The following SGCZ variants were observed in gnomAD, a reference collection of about 807,000 sequenced individuals.
SGCZ encodes the protein zeta-sarcoglycan.
A neutral mutation model predicts 41.3 loss-of-function variants in SGCZ; 40 were observed. The observed-to-expected ratio is 0.97, with a 90% CI of 0.75 to 1.26. The LOEUF is 1.26. Ranked by LOEUF, SGCZ falls within the 50% of genes most tolerant of loss-of-function variation. SGCZ has a pLI of 0.00. For missense variants in SGCZ, 552 were observed against 369.8 expected (o/e 1.49, Z -4.04); for synonymous variants, 206 against 137.5 (o/e 1.50, Z -3.49).
intron 2 of SGCZ, among the ~76,000 whole-genome samples, chr8:14,480,961 C>T (rs1801519235): frequency 1.3e-5 from 2 of 151,916 alleles, no homozygotes; most frequent in Non-Finnish European, 2.9e-5. Context: ...ATGAAGTTAT[C>T]TTGAACATTT....
At chr8:14,753,699 T>C (rs891608432) in intron 1 of SGCZ, among the ~76,000 whole-genome samples, 3 of 152,200 alleles carry the variant, frequency 2.0e-5, no homozygotes, top group Non-Finnish European at 2.9e-5. Context: ...TTTTAGTGAC[T>C]TTCTTCTCAT....
intron 1 of SGCZ, among the ~76,000 whole-genome samples, chr8:14,752,761 A>C (rs1799537721): frequency 6.6e-6 from 1 of 152,226 alleles, no homozygotes; most frequent in Non-Finnish European, 1.5e-5. Context: ...CTATTATCAC[A>C]AACATGATAG....
Position 14,660,236 on chromosome 8 carries a change from T to G in SGCZ, c.40-105310A>C, listed in dbSNP as rs375353855. 2.0e-5 allele frequency among the ~76,000 whole-genome samples: 3 copies of G among 152,176 alleles called. No homozygotes were observed. The East Asian group carries it at 5.8e-4, about 29-fold the overall frequency. ...GCCATTTTAGACACTGTTCGGTGTA[T>G]GAAGAAAATAAAAGGGTTGAAGGGT... On this transcript the variant is annotated intron_variant, in intron 1 of 7. Coordinates refer to ENST00000382080, the MANE Select transcript of SGCZ (RefSeq NM_139167.4).
intron 7 of SGCZ, among the ~76,000 whole-genome samples, chr8:14,098,048 T>C (rs1288473069): frequency 6.6e-6 from 1 of 152,194 alleles, no homozygotes; most frequent in East Asian, 1.9e-4. Flanking sequence ...AAAGATAGAA[T>C]CATATTGAAT....
intron 2 of SGCZ, among the ~76,000 whole-genome samples, chr8:14,514,324 T>G (rs550567525): frequency 2.0e-5 from 3 of 152,220 alleles, no homozygotes; most frequent in African/African-American, 4.8e-5. Flanking sequence ...AGGCTTATTT[T>G]TGAAGCCAGT....
intron 2 of SGCZ, among the ~76,000 whole-genome samples, chr8:14,526,323 C>T (rs1010341245): frequency 3.9e-5 from 6 of 152,084 alleles, no homozygotes; most frequent in Non-Finnish European, 7.4e-5. Context: ...GGCAAAATTT[C>T]ACTATCGATG....
chr8:15,224,867 A>G (rs1801717676), intron 1 of SGCZ, among the ~76,000 whole-genome samples: 1 of 152,216 alleles, frequency 6.6e-6, no homozygotes, highest in East Asian at 1.9e-4. Flanking sequence ...GGATGAAGAA[A>G]GTCATCACCT....
At chr8:15,135,659 A>G (rs963071012) in intron 1 of SGCZ, among the ~76,000 whole-genome samples, 1 of 152,194 alleles carries the variant, frequency 6.6e-6, no homozygotes, top group Non-Finnish European at 1.5e-5. Flanking sequence ...GATTAAGGTA[A>G]GTAAGCAAGT....
At chr8:15,229,283 T>A (rs2117203249) in intron 1 of SGCZ, among the ~76,000 whole-genome samples, 1 of 152,244 alleles carries the variant, frequency 6.6e-6, no homozygotes, top group South Asian at 2.1e-4. Flanking sequence ...TAATTAAGAG[T>A]ATCTAAAAAG....
intron 2 of SGCZ, among the ~76,000 whole-genome samples, chr8:14,390,002 A>G (rs1445213689): frequency 6.6e-6 from 1 of 151,938 alleles, no homozygotes; most frequent in Non-Finnish European, 1.5e-5. Context: ...GTTTACAGTT[A>G]TTTTCTTCCT....
At chr8:14,161,037 C>G (rs377751218) in intron 5 of SGCZ, among the ~76,000 whole-genome samples, 13 of 152,304 alleles carry the variant, frequency 8.5e-5, no homozygotes, top group African/African-American at 3.1e-4. Flanking sequence ...CTAGAATAAA[C>G]TTCACACATA....
chr8:14,418,110 C>T (rs1799545528), intron 2 of SGCZ, among the ~76,000 whole-genome samples: 1 of 151,842 alleles, frequency 6.6e-6, no homozygotes, highest in Non-Finnish European at 1.5e-5. Context: ...AAGACACACG[C>T]CCTGCCTTCA....
chr8:14,671,794 A>G (rs1239929795), intron 1 of SGCZ, among the ~76,000 whole-genome samples: 3 of 152,168 alleles, frequency 2.0e-5, no homozygotes, highest in Non-Finnish European at 2.9e-5. Context: ...ATTTTTTCCA[A>G]AGATATATTT....
At chr8:15,100,549 C>T (rs914773838) in intron 1 of SGCZ, among the ~76,000 whole-genome samples, 1 of 152,176 alleles carries the variant, frequency 6.6e-6, no homozygotes, top group African/African-American at 2.4e-5. Context: ...AGATTCAACA[C>T]AATCTCCATG....
At chr8:14,817,990 G>A (rs113371339) in intron 1 of SGCZ, among the ~76,000 whole-genome samples, 1 of 152,256 alleles carries the variant, frequency 6.6e-6, no homozygotes, top group African/African-American at 2.4e-5. Context: ...ATGCCTGCAG[G>A]TACATTTACT....
At chr8:15,215,697 T>C (rs1195757179) in intron 1 of SGCZ, among the ~76,000 whole-genome samples, 1 of 152,196 alleles carries the variant, frequency 6.6e-6, no homozygotes, top group Non-Finnish European at 1.5e-5. Flanking sequence ...AAACTTTTGC[T>C]AAGGCAGTCT....
At chr8:14,468,538 G>T (rs1585555981) in intron 2 of SGCZ, among the ~76,000 whole-genome samples, 1 of 152,148 alleles carries the variant, frequency 6.6e-6, no homozygotes, top group African/African-American at 2.4e-5. Context: ...GAGAGCAAAG[G>T]TGGTGCCTCA....
At chr8:14,412,254 A>G (rs1054937015) in intron 2 of SGCZ, among the ~76,000 whole-genome samples, 5 of 152,096 alleles carry the variant, frequency 3.3e-5, no homozygotes, top group Non-Finnish European at 5.9e-5. Context: ...TCTTTTGGAA[A>G]AAATCAAACA....
At chr8:14,185,639 C>T (rs1005930754) in intron 4 of SGCZ, among the ~76,000 whole-genome samples, 1 of 152,042 alleles carries the variant, frequency 6.6e-6, no homozygotes, top group Non-Finnish European at 1.5e-5. Flanking sequence ...CTTGACTTTT[C>T]TTCTATCTTA....
Sources: gnomAD v4.1 joint callset for allele counts (sites outside exome capture counted in the v4.1 genomes callset) on GRCh38, gnomAD v4.1.1 for gene constraint, MANE v1.5 for transcripts, NCBI Gene and HGNC (gene_info 2026-07-23, HGNC 2026-07-21) for gene names.